The following ESRRB variants were observed in gnomAD, a reference collection of about 807,000 sequenced individuals.
ESRRB encodes the protein estrogen related receptor beta.
Under a neutral mutation model 46.0 loss-of-function variants are expected in ESRRB, and 16 were observed. The observed-to-expected ratio is 0.35, with a 90% CI of 0.24 to 0.53. The LOEUF is 0.53. Among genes scored for constraint, ESRRB ranks in the 20% least tolerant of loss-of-function variants. The pLI is 0.93. For missense variants in ESRRB, 488 were observed against 607.4 expected, an observed-to-expected ratio of 0.80 and a Z score of 2.07; for synonymous variants, 246 against 259.6, an observed-to-expected ratio of 0.95 and a Z score of 0.50.
At chr14:76,483,182 T>TG (rs1889876143) in intron 5 of ESRRB, among the ~76,000 whole-genome samples, 1 of 152,192 alleles carries the variant, frequency 6.6e-6, no homozygotes, top group African/African-American at 2.4e-5. Flanking sequence ...GTGAAGAGCA[T>TG]GGCCTTGGGA....
chr14:76,474,810 C>T (rs975095402), intron 3 of ESRRB, among the ~76,000 whole-genome samples: 11 of 145,180 alleles, frequency 7.6e-5, no homozygotes, highest in East Asian at 2.0e-4. Context: ...AACTGCGACC[C>T]TGTCTCAAAC....
intron 3 of ESRRB, among the ~76,000 whole-genome samples, chr14:76,470,863 A>T (rs1017002221): frequency 1.4e-4 from 21 of 152,018 alleles, no homozygotes; most frequent in Middle Eastern, 3.4e-3. Flanking sequence ...AATTTAAAAA[A>T]TTTTTTTTGT....
At position 76,482,311 on chromosome 14, in the gene ESRRB, G is replaced by A. The variant is rs969392147; in HGVS notation, c.688+185G>A. 6.6e-5 allele frequency among the ~76,000 whole-genome samples: 10 copies of A among 152,122 alleles called. No individual in the cohort carries two copies. The highest frequency in any genetic ancestry group is 3.9e-4 in the East Asian group (2 of 5,192). On this transcript the variant is annotated intron_variant, in intron 4 of 6. Transcript: ENST00000644823. The surrounding 1 kb of genome is among the most constrained non-coding windows in gnomAD (Gnocchi z 4.3). The stretch of plus-strand genomic sequence containing the variant: ...ATGAAGCATGGTCCTGACAAGCCAC[G>A]GGCCCCAATGTCCAGAACATGCTCC...
rs1889835387 is a variant in ESRRB, at chr14:76,482,211, A to G, written c.688+85A>G. ...TCCCTTAGGGAAACATCATCTTCCCACCACTGGGTCATGAGACAATGTGGA... is the reference window on the plus strand; with the variant it reads ...TCCCTTAGGGAAACATCATCTTCCCGCCACTGGGTCATGAGACAATGTGGA... On this transcript the variant is annotated intron_variant, in intron 4 of 6. Coordinates refer to ENST00000644823, the MANE Select transcript of ESRRB (RefSeq NM_001379180.1). This position sits in a 1 kb window ranked among gnomAD's most constrained non-coding sequence, Gnocchi z 4.3. 1 of 999,730 alleles carries G rather than the reference A, an allele frequency of 1.0e-6. No individual in the cohort carries two copies. Among genetic ancestry groups the G allele is most frequent in the South Asian group, 1.3e-5 (1 of 76,340 alleles). 61.9% of individuals were successfully genotyped at this position (999,730 alleles called of 1,614,324 possible).
upstream of ESRRB, among the ~76,000 whole-genome samples, chr14:76,370,932 A>G (rs930272311): frequency 6.6e-6 from 1 of 152,212 alleles, no homozygotes; most frequent in Non-Finnish European, 1.5e-5. Context: ...AGGCTCAGAA[A>G]AAAGAAAAAC....
chr14:76,383,055 T>C (rs1488225166), intron 1 of ESRRB, among the ~76,000 whole-genome samples: 2 of 152,220 alleles, frequency 1.3e-5, no homozygotes, highest in Non-Finnish European at 2.9e-5. Flanking sequence ...ATGTGATCAA[T>C]TTTTATTTAA....
At position 76,439,359 on chromosome 14, in the gene ESRRB, C is replaced by T; in HGVS notation, c.69C>T (p.Ser23=). Residue 23 remains serine, a synonymous_variant, in exon 2 of 7, where the codon TCC becomes TCT. Transcript: ENST00000644823. ...GYHNQLLNRM[S]SDDRHLGSSC... ...TCCACAGGCTGCTGAACAGGATGTC[C>T]TCGGACGACAGGCACCTGGGCTCCA... The T allele has an allele frequency of 6.2e-7, 1 of 1,613,732 alleles. No individual in the cohort carries two copies. Among genetic ancestry groups the T allele is most frequent in the Non-Finnish European group, 8.5e-7 (1 of 1,180,050 alleles).
chr14:76,318,324 A>C (rs1279717890), intron 1 of ESRRB, among the ~76,000 whole-genome samples: 3 of 152,176 alleles, frequency 2.0e-5, no homozygotes, highest in Admixed American at 6.5e-5. Context: ...TCTTAACTTC[A>C]CTGTAGCTTA....
At chr14:76,346,889 C>T (rs940873849) in intron 1 of ESRRB, among the ~76,000 whole-genome samples, 9 of 152,230 alleles carry the variant, frequency 5.9e-5, no homozygotes, top group African/African-American at 1.9e-4. Context: ...GATTTCCTGT[C>T]AGAGCTCATG....
At chr14:76,326,348 T>C (rs1335890452) in intron 1 of ESRRB, among the ~76,000 whole-genome samples, 3 of 152,194 alleles carry the variant, frequency 2.0e-5, no homozygotes, top group Non-Finnish European at 4.4e-5. Context: ...ATGGTAAAAG[T>C]CCAGACTTTG....
intron 1 of ESRRB, among the ~76,000 whole-genome samples, chr14:76,400,241 G>T (rs1464493721): frequency 6.6e-6 from 1 of 152,202 alleles, no homozygotes; most frequent in African/African-American, 2.4e-5. Flanking sequence ...TTCCTTCTGG[G>T]AAAACTTCTA....
intron 3 of ESRRB, among the ~76,000 whole-genome samples, chr14:76,474,771 C>T (rs144241692): frequency 2.7e-4 from 41 of 152,036 alleles, no homozygotes; most frequent in African/African-American, 3.9e-4. Context: ...AGTCCAGGAT[C>T]GTGCCACTGC....
At chr14:76,349,747 A>G (rs1884291891) in intron 1 of ESRRB, among the ~76,000 whole-genome samples, 1 of 152,180 alleles carries the variant, frequency 6.6e-6, no homozygotes, top group Non-Finnish European at 1.5e-5. Context: ...CTGGGTCCCC[A>G]GCACCTGGAA....
At chr14:76,463,441 C>CTTTGTTTTT (rs1555342241) in intron 3 of ESRRB, 17 of 110,400 alleles carry the variant, frequency 1.5e-4, no homozygotes, top group Admixed American at 2.6e-4. Flanking sequence ...TCACATGCTT[C>CTTTGTTTTT]TTTGTTTTTT....
In ESRRB at chr14:76,324,963, C is replaced by CTTTT. The variant is rs34780208; in HGVS notation, c.2+14065_2+14068dup. ...GGCACTTTCTTTTCTTTTTCTTTTT[C>CTTTT]TTTTTTTTTTTTTTTTTTTTTGAGA... is the stretch of plus-strand genomic sequence containing the variant. On this transcript the variant is annotated intron_variant, in intron 1 of 6. Coordinates refer to the ESRRB transcript ENST00000512784. Among the ~76,000 whole-genome samples, 139 of 102,168 alleles carry CTTTT rather than the reference C, an allele frequency of 1.4e-3. 3 individuals are homozygous for CTTTT. Among genetic ancestry groups the CTTTT allele is most frequent in the South Asian group, 7.5e-3 (21 of 2,808 alleles). 67.0% of individuals were successfully genotyped at this position (102,168 alleles called of 152,430 possible).
intron 5 of ESRRB, among the ~76,000 whole-genome samples, chr14:76,483,482 G>A (rs972453015): frequency 1.3e-5 from 2 of 152,202 alleles, no homozygotes; most frequent in Non-Finnish European, 2.9e-5. Context: ...TGTGTTCCAT[G>A]TTTCAGGCTG....
intron 3 of ESRRB, among the ~76,000 whole-genome samples, chr14:76,478,210 G>A (rs746564911): frequency 1.1e-4 from 16 of 152,168 alleles, no homozygotes; most frequent in South Asian, 2.1e-4. Flanking sequence ...CTTAACGGGT[G>A]CCTAGTCAGT....
intron 1 of ESRRB, among the ~76,000 whole-genome samples, chr14:76,337,590 T>C (rs1424123398): frequency 6.6e-6 from 1 of 152,194 alleles, no homozygotes; most frequent in Non-Finnish European, 1.5e-5. Flanking sequence ...GGTGCTTGAC[T>C]GTTCACCTGA....
At chr14:76,451,154 G>A (rs1167295320) in intron 2 of ESRRB, among the ~76,000 whole-genome samples, 1 of 152,198 alleles carries the variant, frequency 6.6e-6, no homozygotes, top group Non-Finnish European at 1.5e-5. Context: ...GCTCAGTGGT[G>A]GATGATGGGC....
Sources: allele counts gnomAD v4.1 joint callset (sites outside exome capture counted in the v4.1 genomes callset), GRCh38; gene constraint gnomAD v4.1.1; non-coding constraint Gnocchi (gnomAD v3.1); transcripts MANE v1.5; gene names NCBI Gene and HGNC (gene_info 2026-07-23, HGNC 2026-07-21).